LIPH: variants seen among roughly 807,000 people sequenced by gnomAD.
LIPH encodes lipase H.
A neutral mutation model predicts 47.6 loss-of-function variants in LIPH; 32 were observed. The ratio of observed to expected loss-of-function variants is 0.67; its 90% confidence interval spans 0.51 to 0.90. LIPH has a LOEUF of 0.90. LIPH is among the 40% of genes least tolerant of loss of function. The pLI is 0.00. For synonymous variants in LIPH, 190 were observed against 195.6 expected (o/e 0.97, Z 0.24); for missense variants, 497 against 541.4 (o/e 0.92, Z 0.81).
chr3:185,509,475 A>T (rs9681523), intron 9 of LIPH, among the ~76,000 whole-genome samples: 1 of 151,640 alleles, frequency 6.6e-6, no homozygotes, highest in Non-Finnish European at 1.5e-5. Flanking sequence ...CTAAAAATAC[A>T]AAAAATTAGC....
In LIPH at chr3:185,535,074, A is replaced by G. The variant is rs1720463521; in HGVS notation, c.108T>C (p.Gly36=). The change falls in exon 2 of 10, where the codon GGT becomes GGC. Residue 36 remains glycine, a synonymous_variant. Coordinates refer to ENST00000296252, the MANE Select transcript of LIPH (RefSeq NM_139248.3). ...GCATCAGCCTCACATTTAGTCCCGTACCAACCACTGCACTGTGAAAGCTCA... is the reference window on the plus strand; with the variant it reads ...GCATCAGCCTCACATTTAGTCCCGTGCCAACCACTGCACTGTGAAAGCTCA... ...TRLSFHSAVV[G]TGLNVRLMLY... 1.2e-6 allele frequency: 2 copies of G among 1,614,050 alleles called. No individual in the cohort carries two copies. Among genetic ancestry groups the G allele is most frequent in the South Asian group, 1.1e-5 (1 of 91,084 alleles).
chr3:185,545,977 G>A (rs749901792), intron 1 of LIPH, among the ~76,000 whole-genome samples: 25 of 149,940 alleles, frequency 1.7e-4, no homozygotes, highest in Non-Finnish European at 3.3e-4. Context: ...CCTACATGGT[G>A]AAACCCCATC....
In LIPH at chr3:185,514,396, G is replaced by GT. The variant is rs1194023526; in HGVS notation, c.1094+13dup. ...GGGAAATAGCGCACTGCAAACAATT[G>GT]TAACTCAACTTACTGATTGATTTTG... is the stretch of plus-strand genomic sequence containing the variant. On this transcript the variant is annotated intron_variant, in intron 8 of 9. Transcript: ENST00000296252. 7 of 1,166,438 alleles carry GT rather than the reference G, an allele frequency of 6.0e-6. No homozygotes were observed. The South Asian group carries it at 8.5e-5, about 14-fold the overall frequency. 72.3% of individuals were successfully genotyped at this position (1,166,438 alleles called of 1,614,324 possible).
chr3:185,536,892 C>T (rs1486342823), intron 1 of LIPH, among the ~76,000 whole-genome samples: 1 of 152,020 alleles, frequency 6.6e-6, no homozygotes, highest in Non-Finnish European at 1.5e-5. Context: ...ATTTTATTTA[C>T]TTATTTATTT....
intron 1 of LIPH, among the ~76,000 whole-genome samples, chr3:185,548,413 GA>G (rs566649441): frequency 1.4e-4 from 18 of 125,632 alleles, no homozygotes; most frequent in East Asian, 3.7e-4. Flanking sequence ...CACATAAAAG[GA>G]AAAAAAAAAC....
At position 185,517,155 on chromosome 3, in the gene LIPH, A is replaced by T. The variant is rs1429879493; in HGVS notation, c.894T>A (p.Tyr298Ter). Residue 298 changes from tyrosine (Y) to a stop codon, truncating the protein, a stop_gained, in exon 7 of 10, where the codon TAT (tyrosine) becomes TAA (stop). Transcript: ENST00000296252. LOFTEE classifies it high-confidence loss of function. ...TTAGATGGTCTTTCCAATTATCAGC[A>T]TAATAGCCTATGAAACAAGTTTAAA... ...QKESCPLLGY[Y>*]ADNWKDHLRG... 19 of 1,572,386 alleles carry T rather than the reference A, an allele frequency of 1.2e-5. No individual in the cohort carries two copies. Among genetic ancestry groups the T allele is most frequent in the Non-Finnish European group, 1.6e-5 (18 of 1,142,070 alleles).
chr3:185,511,541 G>A lies in LIPH; in HGVS notation c.1251C>T (p.Ser417=), dbSNP rs1453533600. ...KLRILRMKLR[S]LAHPERPQLC... The stretch of plus-strand genomic sequence containing the variant: ...CAGCTCACCTCTCCGGATGGGCAAG[G>A]GACCTTAACTTCATTCGGAGAATCC... The change falls in exon 9 of 10, where the codon TCC becomes TCT. Residue 417 remains serine, a synonymous_variant. Transcript: ENST00000296252. The A allele has an allele frequency of 3.7e-6, 6 of 1,613,920 alleles. No individual in the cohort carries two copies. Among genetic ancestry groups the A allele is most frequent in the Non-Finnish European group, 5.1e-6 (6 of 1,180,014 alleles).
At chr3:185,509,367 G>A (rs1719650) in intron 9 of LIPH, among the ~76,000 whole-genome samples, 82,998 of 151,384 alleles carry the variant, frequency 0.55, 22,979 homozygotes, top group South Asian at 0.73. Flanking sequence ...GGTGGTTCAC[G>A]CTTGTAATCC....
intron 1 of LIPH, among the ~76,000 whole-genome samples, chr3:185,545,931 A>G (rs140524092): frequency 0.048 from 7,272 of 151,824 alleles, 285 homozygotes; most frequent in East Asian, 0.24. Context: ...TGACGCAGGC[A>G]GATCACCTGA....
At chr3:185,538,735 ATACATATATG>A (rs1352420965) in intron 1 of LIPH, among the ~76,000 whole-genome samples, 9 of 82,328 alleles carry the variant, frequency 1.1e-4, no homozygotes, top group African/African-American at 3.6e-4. Context: ...GTACATATAT[ATACATATATG>A]TACATATATA....
chr3:185,542,787 A>C lies in LIPH; in HGVS notation c.50-7655T>G, dbSNP rs115013954. Among the ~76,000 whole-genome samples, 1,247 of 152,354 alleles carry C rather than the reference A, an allele frequency of 8.2e-3. 17 individuals are homozygous for C. The highest frequency in any genetic ancestry group is 0.028 in the African/African-American group (1,174 of 41,588). ...ATATACAATGGAATACTATGTGCTC[A>C]TAAAAACGGATGAAATCATCTCTTT... On this transcript the variant is annotated intron_variant, in intron 1 of 9. Coordinates refer to ENST00000296252, the MANE Select transcript of LIPH (RefSeq NM_139248.3).
intron 8 of LIPH, among the ~76,000 whole-genome samples, chr3:185,513,753 G>A (rs1256838470): frequency 1.3e-5 from 2 of 152,046 alleles, no homozygotes; most frequent in Non-Finnish European, 2.9e-5. Flanking sequence ...AAAAATGAAG[G>A]AAATCAGCCA....
Position 185,533,455 on chromosome 3 carries a change from G to A in LIPH, c.526+116C>T, listed in dbSNP as rs990185062. On this transcript the variant is annotated intron_variant, in intron 3 of 9. Coordinates refer to ENST00000296252, the MANE Select transcript of LIPH (RefSeq NM_139248.3). ...TTGCATGCAATGACCCACACTCAGAGAGGTTAGGTAATTGGAGCTGGCTTT... is the reference window on the plus strand; with the variant it reads ...TTGCATGCAATGACCCACACTCAGAAAGGTTAGGTAATTGGAGCTGGCTTT... 5.2e-6 allele frequency: 4 copies of A among 770,772 alleles called. No homozygotes were observed. The Admixed American group carries it at 7.1e-5, about 14-fold the overall frequency. The allele number at this position is 770,772 out of a possible 1,614,324, so 47.7% of individuals were successfully genotyped here.
Position 185,506,262 on chromosome 3 carries a change from C to G in LIPH, c.*2528G>C, listed in dbSNP as rs1056691853. 6.6e-6 allele frequency: 1 copy of G among 152,078 alleles called. No homozygotes were observed. The highest frequency in any genetic ancestry group is 1.5e-5 in the Non-Finnish European group (1 of 68,018). The allele number at this position is 152,078 out of a possible 1,614,324, so 9.4% of individuals were successfully genotyped here. A position where few individuals can be genotyped will look rare whatever the true frequency, so the allele number is the denominator to read the frequency against. ...AGAAAGATTCTGAGAACAGAGTGGCCACAGTTATAACTGCCTTTATTTCTC... is the reference window on the plus strand; with the variant it reads ...AGAAAGATTCTGAGAACAGAGTGGCGACAGTTATAACTGCCTTTATTTCTC... On this transcript the variant is annotated 3_prime_UTR_variant, in exon 10 of 10. Transcript: ENST00000296252.
intron 1 of LIPH, among the ~76,000 whole-genome samples, chr3:185,538,890 T>C (rs1231875551): frequency 3.5e-5 from 5 of 143,010 alleles, no homozygotes; most frequent in African/African-American, 5.1e-5. Flanking sequence ...TATACATATA[T>C]ACGTATATAC....
Position 185,508,864 on chromosome 3 carries a change from G to A in LIPH, c.1282C>T (p.Arg428Trp), listed in dbSNP as rs146753303. ...TTTTCCATCAGGACAAGATCATACC[G>A]ACACAGCTGAGGCCTGGGAAAATAA... is the stretch of plus-strand genomic sequence containing the variant. ...LAHPERPQLC[R>W]YDLVLMENVE... Residue 428 changes from arginine (R) to tryptophan (W), a missense_variant, in exon 10 of 10, where the codon CGG (arginine) becomes TGG (tryptophan). Arg to Trp is a moderately radical substitution (Grantham distance 101, BLOSUM62 -3). Coordinates refer to ENST00000296252, the MANE Select transcript of LIPH (RefSeq NM_139248.3). 34 of 1,611,420 alleles carry A rather than the reference G, an allele frequency of 2.1e-5. No individual in the cohort carries two copies. Among genetic ancestry groups the A allele is most frequent in the African/African-American group, 4.0e-5 (3 of 74,868 alleles).
intron 9 of LIPH, among the ~76,000 whole-genome samples, chr3:185,509,823 A>G (rs1719500104): frequency 6.6e-6 from 1 of 152,086 alleles, no homozygotes; most frequent in African/African-American, 2.4e-5. Flanking sequence ...AAATAAACAT[A>G]TATTGTCTGA....
intron 5 of LIPH, among the ~76,000 whole-genome samples, chr3:185,521,956 C>T (rs1390803654): frequency 6.6e-6 from 1 of 152,032 alleles, no homozygotes; most frequent in South Asian, 2.1e-4. Flanking sequence ...TTAAGTATCC[C>T]AAAGTTGTTT....
intron 1 of LIPH, among the ~76,000 whole-genome samples, chr3:185,538,891 A>G (rs982063257): frequency 2.7e-4 from 16 of 58,346 alleles, no homozygotes; most frequent in Non-Finnish European, 5.1e-4. Flanking sequence ...ATACATATAT[A>G]CGTATATACA....
Sources: gnomAD v4.1 joint callset for allele counts (sites outside exome capture counted in the v4.1 genomes callset) on GRCh38, gnomAD v4.1.1 for gene constraint, MANE v1.5 for transcripts, NCBI Gene and HGNC (gene_info 2026-07-23, HGNC 2026-07-21) for gene names.